The following CDK14 variants were observed in gnomAD, a reference collection of about 807,000 sequenced individuals.
CDK14 encodes the protein cyclin-dependent kinase 14.
A neutral mutation model predicts 60.7 loss-of-function variants in CDK14; 34 were observed. That is an observed-to-expected ratio of 0.56 (90% confidence interval 0.43 to 0.75). The LOEUF is 0.75. Among genes scored for constraint, CDK14 ranks in the 30% least tolerant of loss-of-function variants. The pLI is 0.00. For missense variants in CDK14, 482 were observed against 564.1 expected, an observed-to-expected ratio of 0.85 and a Z score of 1.47; for synonymous variants, 197 against 203.7, an observed-to-expected ratio of 0.97 and a Z score of 0.28.
chr7:90,619,134 G>A (rs1799714392), intron 2 of CDK14, among the ~76,000 whole-genome samples: 2 of 152,158 alleles, frequency 1.3e-5, no homozygotes, highest in African/African-American at 4.8e-5. Context: ...CGGTGAGTGT[G>A]ATGCGTGGAT....
chr7:91,168,262 A>AG (rs1250398103), intron 14 of CDK14, among the ~76,000 whole-genome samples: 7 of 149,334 alleles, frequency 4.7e-5, no homozygotes, highest in Admixed American at 4.7e-4. Context: ...CTCTGTCTCA[A>AG]AAAAAAAAAA....
At chr7:90,913,204 A>T (rs754550758) in intron 7 of CDK14, among the ~76,000 whole-genome samples, 1 of 152,194 alleles carries the variant, frequency 6.6e-6, no homozygotes, top group East Asian at 1.9e-4. Flanking sequence ...TTAGAAAGTT[A>T]GGGACTTGCC....
In CDK14 at chr7:91,042,802, C is replaced by T. The variant is rs139021920; in HGVS notation, c.1042-3095C>T. On this transcript the variant is annotated intron_variant, in intron 10 of 14. Transcript: ENST00000380050. ...TTAGAAAACATTCTTTTTCTTCTAA[C>T]TTAAATGTGTCTTGTTAATGGAACT... Among the ~76,000 whole-genome samples the T allele has an allele frequency of 7.6e-3, 1,156 of 152,204 alleles. 16 individuals are homozygous for T. Among genetic ancestry groups the T allele is most frequent in the African/African-American group, 0.026 (1,081 of 41,520 alleles).
At chr7:90,933,475 T>C (rs1793657537) in intron 8 of CDK14, among the ~76,000 whole-genome samples, 1 of 152,142 alleles carries the variant, frequency 6.6e-6, no homozygotes, top group Admixed American at 6.5e-5. Flanking sequence ...AATCTTCACA[T>C]AGTCTCCTTT....
intron 14 of CDK14, among the ~76,000 whole-genome samples, chr7:91,164,359 T>C (rs1323276942): frequency 6.6e-6 from 1 of 152,208 alleles, no homozygotes; most frequent in Non-Finnish European, 1.5e-5. Context: ...CCTGTACGTG[T>C]TACTCATTAA....
intron 5 of CDK14, among the ~76,000 whole-genome samples, chr7:90,836,292 G>A (rs1322758231): frequency 1.3e-5 from 2 of 152,074 alleles, no homozygotes; most frequent in Non-Finnish European, 2.9e-5. Flanking sequence ...TTGCCTAGAT[G>A]TACAAAAAAT....
chr7:91,196,887 G>A (rs10246714), intron 14 of CDK14, among the ~76,000 whole-genome samples: 97 of 152,320 alleles, frequency 6.4e-4, no homozygotes, highest in Middle Eastern at 3.4e-3. Flanking sequence ...ACCATTCTCA[G>A]TGTCTCAGAT....
chr7:91,098,842 C>A (rs1799082441), intron 12 of CDK14, among the ~76,000 whole-genome samples: 2 of 152,082 alleles, frequency 1.3e-5, no homozygotes, highest in South Asian at 4.1e-4. Context: ...AAGGTGATTT[C>A]CTTTTACTCC....
chr7:90,918,963 C>T (rs1324145742), intron 8 of CDK14, among the ~76,000 whole-genome samples: 1 of 152,058 alleles, frequency 6.6e-6, no homozygotes, highest in East Asian at 1.9e-4. Flanking sequence ...AAATTCTGTG[C>T]ACATTAGTTT....
intron 5 of CDK14, among the ~76,000 whole-genome samples, chr7:90,830,064 G>A (rs529314284): frequency 1.7e-4 from 26 of 152,246 alleles, no homozygotes; most frequent in Admixed American, 1.3e-3. Context: ...GGAGAACAGC[G>A]GCCTTCTTCT....
chr7:90,877,598 C>A (rs1020330219), intron 6 of CDK14, among the ~76,000 whole-genome samples: 3 of 152,108 alleles, frequency 2.0e-5, no homozygotes, highest in Non-Finnish European at 4.4e-5. Context: ...GTTTCTCCCC[C>A]TTCTATTTTA....
intron 5 of CDK14, among the ~76,000 whole-genome samples, chr7:90,837,236 A>C (rs918511376): frequency 1.3e-5 from 2 of 151,892 alleles, no homozygotes; most frequent in African/African-American, 2.4e-5. Context: ...GTTTGTTATT[A>C]GGCTTGCTAC....
chr7:91,027,519 A>G (rs1325649517), intron 10 of CDK14, among the ~76,000 whole-genome samples: 1 of 152,142 alleles, frequency 6.6e-6, no homozygotes, highest in Non-Finnish European at 1.5e-5. Flanking sequence ...ACGTTTTAGT[A>G]TTGGGATTCC....
intron 14 of CDK14, among the ~76,000 whole-genome samples, chr7:91,162,070 A>G (rs995932864): frequency 6.6e-6 from 1 of 152,172 alleles, no homozygotes; most frequent in African/African-American, 2.4e-5. Flanking sequence ...GTTATTTTTT[A>G]AAAACTAAGA....
chr7:90,984,319 TGGAAAA>T, intron 10 of CDK14, 78 bp downstream of exon 10: 1 of 904,358 alleles, frequency 1.1e-6, no homozygotes, highest in Non-Finnish European at 1.8e-6. Flanking sequence ...CAGCAGTCTG[TGGAAAA>T]ATAATTTAAA....
chr7:90,681,196 G>A (rs1358188776), intron 2 of CDK14, among the ~76,000 whole-genome samples: 6 of 151,884 alleles, frequency 4.0e-5, no homozygotes, highest in Non-Finnish European at 7.4e-5. Flanking sequence ...ATTATATATC[G>A]CCTGGCACCA....
chr7:90,902,955 G>A (rs1206562319), intron 7 of CDK14, among the ~76,000 whole-genome samples: 2 of 152,088 alleles, frequency 1.3e-5, no homozygotes, highest in Admixed American at 1.3e-4. Context: ...CTTGGAAGAA[G>A]ACATACAAAT....
intron 11 of CDK14, among the ~76,000 whole-genome samples, chr7:91,050,038 T>G (rs1797346330): frequency 6.6e-6 from 1 of 152,042 alleles, no homozygotes. Context: ...AAGAAGATAT[T>G]TGAGGGAAGA....
intron 8 of CDK14, among the ~76,000 whole-genome samples, chr7:90,935,601 C>T (rs1164374327): frequency 6.6e-6 from 1 of 151,984 alleles, no homozygotes; most frequent in Non-Finnish European, 1.5e-5. Context: ...GCATGTATAC[C>T]TATCTTTACA....
Sources: gnomAD v4.1 joint callset for allele counts (sites outside exome capture counted in the v4.1 genomes callset) on GRCh38, gnomAD v4.1.1 for gene constraint, MANE v1.5 for transcripts, NCBI Gene and HGNC (gene_info 2026-07-23, HGNC 2026-07-21) for gene names.